SAXO1: variants seen among roughly 807,000 people sequenced by gnomAD.
SAXO1 encodes the protein stabilizer of axonemal microtubules 1.
Under a neutral mutation model 17.5 loss-of-function variants are expected in SAXO1, and 21 were observed. The observed-to-expected ratio is 1.20, with a 90% CI of 0.85 to 1.72. The LOEUF (loss-of-function observed/expected upper bound fraction) is 1.72. Among genes scored for constraint, SAXO1 ranks in the 40% most tolerant of loss-of-function variants. SAXO1 has a pLI of 0.00. For synonymous variants in SAXO1, 274 were observed against 216.5 expected (o/e 1.27, Z -2.33); for missense variants, 843 against 596.0 (o/e 1.41, Z -4.32).
At chr9:18,936,188 A>G (rs1831281603) in intron 3 of SAXO1, among the ~76,000 whole-genome samples, 1 of 152,084 alleles carries the variant, frequency 6.6e-6, no homozygotes, top group Non-Finnish European at 1.5e-5. Context: ...GCACGCTCTT[A>G]AGTTTATTTT....
intron 1 of SAXO1, among the ~76,000 whole-genome samples, chr9:18,968,104 T>A (rs1197165244): frequency 6.6e-6 from 1 of 152,228 alleles, no homozygotes; most frequent in Non-Finnish European, 1.5e-5. Context: ...CCAATGAGAC[T>A]AAGTGAGTAC....
intron 1 of SAXO1, among the ~76,000 whole-genome samples, chr9:19,029,139 T>C (rs12236347): frequency 0.48 from 73,456 of 152,104 alleles, 19,445 homozygotes; most frequent in African/African-American, 0.71. Context: ...TGGACACCTT[T>C]TTATCCAGGC....
intron 1 of SAXO1, among the ~76,000 whole-genome samples, chr9:19,030,721 G>A (rs527250530): frequency 2.0e-5 from 3 of 150,518 alleles, no homozygotes; most frequent in Non-Finnish European, 2.9e-5. Context: ...AAAAAAATAA[G>A]AAGAAGAAAA....
At chr9:18,988,987 C>A (rs1165078806) in intron 1 of SAXO1, among the ~76,000 whole-genome samples, 2 of 152,058 alleles carry the variant, frequency 1.3e-5, no homozygotes, top group Admixed American at 6.6e-5. Context: ...TGTGAACTTT[C>A]CCCTATAGGA....
chr9:18,957,185 A>G (rs536772659), intron 1 of SAXO1, among the ~76,000 whole-genome samples: 5 of 152,282 alleles, frequency 3.3e-5, no homozygotes, highest in African/African-American at 1.2e-4. Context: ...AAATATCCCA[A>G]TACAGACCAA....
chr9:18,956,151 A>C (rs538000310), intron 1 of SAXO1, among the ~76,000 whole-genome samples: 12 of 130,908 alleles, frequency 9.2e-5, no homozygotes, highest in Non-Finnish European at 1.6e-4. Context: ...GAGTTTTGCC[A>C]TGTTGCCCAG....
In SAXO1 at chr9:19,045,120, C is replaced by A. The variant is rs1053902555; in HGVS notation, c.-158+4089G>T. 6.4e-4 allele frequency among the ~76,000 whole-genome samples: 96 copies of A among 150,166 alleles called. 2 individuals are homozygous for A. The highest frequency in any genetic ancestry group is 8.9e-5 in the Non-Finnish European group (6 of 67,560). On this transcript the variant is annotated intron_variant, in intron 1 of 3. Transcript: ENST00000542071. ...GGTCAGGAGATCGAGACCATCCTGGCTAACAAGGTGAAACCCCGTCTCTAC... is the reference window on the plus strand; with the variant it reads ...GGTCAGGAGATCGAGACCATCCTGGATAACAAGGTGAAACCCCGTCTCTAC...
intron 1 of SAXO1, among the ~76,000 whole-genome samples, chr9:19,002,675 C>G (rs1261846481): frequency 6.6e-6 from 1 of 152,100 alleles, no homozygotes; most frequent in Non-Finnish European, 1.5e-5. Context: ...CAGAAAAGGC[C>G]TTCAATAAAA....
intron 1 of SAXO1, among the ~76,000 whole-genome samples, chr9:19,019,684 G>T (rs781530114): frequency 1.3e-5 from 2 of 151,958 alleles, no homozygotes; most frequent in African/African-American, 4.8e-5. Flanking sequence ...GAGCCCAGAC[G>T]GCACCACTGC....
At chr9:18,992,583 G>C (rs1430247107) in intron 1 of SAXO1, among the ~76,000 whole-genome samples, 1 of 152,100 alleles carries the variant, frequency 6.6e-6, no homozygotes, top group East Asian at 1.9e-4. Context: ...CACACAGCTA[G>C]GAAGTGGTCA....
chr9:18,962,214 T>A (rs1013050411), intron 1 of SAXO1, among the ~76,000 whole-genome samples: 1 of 152,172 alleles, frequency 6.6e-6, no homozygotes, highest in Non-Finnish European at 1.5e-5. Flanking sequence ...ATTATAGGCA[T>A]GTGCCACCAC....
intron 3 of SAXO1, among the ~76,000 whole-genome samples, chr9:18,937,423 G>A (rs923138724): frequency 1.3e-5 from 2 of 152,174 alleles, no homozygotes; most frequent in African/African-American, 4.8e-5. Context: ...TCGATGCTGG[G>A]AATACAGATG....
chr9:19,002,831 C>T (rs1834331720), intron 1 of SAXO1, among the ~76,000 whole-genome samples: 2 of 152,166 alleles, frequency 1.3e-5, no homozygotes, highest in African/African-American at 4.8e-5. Flanking sequence ...TGAAAACTGG[C>T]ACAAGACAAG....
chr9:18,995,700 C>G (rs558726621), intron 1 of SAXO1, among the ~76,000 whole-genome samples: 2 of 152,222 alleles, frequency 1.3e-5, no homozygotes, highest in East Asian at 3.9e-4. Context: ...GGTTTAGAAA[C>G]CACTGCACAT....
chr9:19,040,029 T>G (rs1470232183), intron 1 of SAXO1, among the ~76,000 whole-genome samples: 2 of 152,284 alleles, frequency 1.3e-5, no homozygotes, highest in East Asian at 3.9e-4. Flanking sequence ...GTACATGGCC[T>G]GGAATTCACT....
rs554493323 is a variant in SAXO1 at position 18,963,920 on chromosome 9, C to T, written c.39-12983G>A. ...TTTTGCCCATTCAGTATGATACTGG[C>T]TGTGGGTTTGTCATAAATAGTTCTT... On this transcript the variant is annotated intron_variant, in intron 1 of 3. Coordinates refer to ENST00000380534, the MANE Select transcript of SAXO1 (RefSeq NM_153707.4). Among the ~76,000 whole-genome samples, 582 of 152,240 alleles carry T rather than the reference C, an allele frequency of 3.8e-3. 3 individuals are homozygous for T. The highest frequency in any genetic ancestry group is 8.2e-3 in the Admixed American group (125 of 15,298).
intron 2 of SAXO1, among the ~76,000 whole-genome samples, chr9:18,942,730 T>G (rs1831624693): frequency 6.6e-6 from 1 of 152,156 alleles, no homozygotes. Flanking sequence ...AAGGCCCAGA[T>G]GCTCACTGCA....
chr9:19,027,420 G>C (rs1281726543), intron 1 of SAXO1: 1 of 755,790 alleles, frequency 1.3e-6, no homozygotes, highest in African/African-American at 1.7e-5. Flanking sequence ...GCTTGGACAA[G>C]CAGATCCAGG....
intron 2 of SAXO1, among the ~76,000 whole-genome samples, chr9:18,943,478 AG>A (rs1373712460): frequency 6.6e-6 from 1 of 152,212 alleles, no homozygotes; most frequent in Non-Finnish European, 1.5e-5. Context: ...CAATTGTAGC[AG>A]GGAACTAAGA....
Sources: allele counts gnomAD v4.1 joint callset (sites outside exome capture counted in the v4.1 genomes callset), GRCh38; gene constraint gnomAD v4.1.1; transcripts MANE v1.5; gene names NCBI Gene and HGNC (gene_info 2026-07-23, HGNC 2026-07-21).